Variants in BBX observed in about 807,000 individuals in gnomAD.
BBX encodes BBX high mobility group box domain containing.
BBX carries 30 observed loss-of-function variants against 100.2 expected under a neutral mutation model. That is an observed-to-expected ratio of 0.30 (90% CI 0.22 to 0.41). The LOEUF is 0.41. BBX is among the 10% of genes least tolerant of loss of function. The pLI is 1.00. For missense variants in BBX, 1,023 were observed against 1,129.8 expected (o/e 0.91, Z 1.35); for synonymous variants, 376 against 388.1 (o/e 0.97, Z 0.37).
At chr3:107,602,887 C>T (rs1293696552) in intron 2 of BBX, among the ~76,000 whole-genome samples, 1 of 152,134 alleles carries the variant, frequency 6.6e-6, no homozygotes, top group Non-Finnish European at 1.5e-5. Flanking sequence ...AGATTTAGAC[C>T]ATTATATAAA....
At chr3:107,568,265 A>ATTT (rs36099700) in intron 2 of BBX, among the ~76,000 whole-genome samples, 5 of 131,516 alleles carry the variant, frequency 3.8e-5, no homozygotes, top group South Asian at 2.4e-4. Context: ...ATTTTCTGCT[A>ATTT]TTTTTTTTTT....
intron 13 of BBX, among the ~76,000 whole-genome samples, chr3:107,778,992 A>AATAT (rs2067566867): frequency 3.5e-5 from 1 of 28,518 alleles, no homozygotes; most frequent in Admixed American, 4.2e-4. Flanking sequence ...ATCCTCCAGC[A>AATAT]ACATATATAT....
At chr3:107,785,396 C>T (rs1418603162) in intron 13 of BBX, among the ~76,000 whole-genome samples, 1 of 151,930 alleles carries the variant, frequency 6.6e-6, no homozygotes, top group Non-Finnish European at 1.5e-5. Flanking sequence ...AACTGCAGAT[C>T]AATATCTCTT....
chr3:107,597,165 A>G lies in BBX; in HGVS notation c.-83-48671A>G, dbSNP rs541652999. ...TGTCTTAAGCAAAGCCTATAACTTT[A>G]TAATACTTTATGTTGTCCACTTATG... On this transcript the variant is annotated intron_variant, in intron 2 of 17. Transcript: ENST00000325805. 9.0e-4 allele frequency among the ~76,000 whole-genome samples: 137 copies of G among 152,348 alleles called. 1 individual carries two copies. Among genetic ancestry groups the G allele is most frequent in the Middle Eastern group, 6.8e-3 (2 of 294 alleles).
chr3:107,776,573 A>G (rs1382346846), intron 12 of BBX, among the ~76,000 whole-genome samples: 1 of 152,140 alleles, frequency 6.6e-6, no homozygotes, highest in Non-Finnish European at 1.5e-5. Context: ...ATTTCCTGTC[A>G]GTCTGCTCTG....
intron 12 of BBX, among the ~76,000 whole-genome samples, chr3:107,775,432 T>C (rs573870432): frequency 2.6e-5 from 4 of 152,248 alleles, no homozygotes; most frequent in Admixed American, 2.0e-4. Flanking sequence ...TTAAGAATTA[T>C]TTTATATTTA....
At chr3:107,771,011 C>T (rs535457607) in intron 10 of BBX, among the ~76,000 whole-genome samples, 3 of 152,102 alleles carry the variant, frequency 2.0e-5, no homozygotes, top group Admixed American at 1.3e-4. Flanking sequence ...AGATCAGTTT[C>T]CTACTCATGT....
chr3:107,584,129 TTATTATATATATTATATATAA>T (rs1559840352), intron 2 of BBX, among the ~76,000 whole-genome samples: 12 of 15,102 alleles, frequency 7.9e-4, no homozygotes, highest in Non-Finnish European at 1.6e-3. Context: ...AATATATATA[TTATTATATATATTATATATAA>T]TATATGATAT....
intron 3 of BBX, among the ~76,000 whole-genome samples, chr3:107,678,702 G>C (rs1365160665): frequency 6.6e-6 from 1 of 151,886 alleles, no homozygotes; most frequent in African/African-American, 2.4e-5. Flanking sequence ...CTTCAGCCTC[G>C]GCAAGAAGGG....
chr3:107,561,970 T>C (rs749751104), intron 2 of BBX, among the ~76,000 whole-genome samples: 124 of 152,238 alleles, frequency 8.1e-4, no homozygotes, highest in Admixed American at 2.0e-3. Flanking sequence ...TGTTCTTTAT[T>C]GCATTTGGGG....
At chr3:107,545,541 G>A (rs1258249767) in intron 2 of BBX, among the ~76,000 whole-genome samples, 2 of 152,208 alleles carry the variant, frequency 1.3e-5, no homozygotes, top group East Asian at 1.9e-4. Context: ...GAATGTGCTT[G>A]TATGACTGCT....
At position 107,744,633 on chromosome 3, in the gene BBX, T is replaced by G; in HGVS notation, c.673T>G (p.Ser225Ala). Residue 225 changes from serine to alanine, a missense_variant, in exon 8 of 18, where the codon TCC becomes GCC. This residue lies in a region of BBX where 95 missense variants were observed against 95.1 expected (regional missense o/e 1.00). Transcript: ENST00000325805. ...ATGATATCTTTCTTTGTTTCAGGTA[T>G]CCTCTGGCACATGCAGGCCTGATGT... ...GEHALGTPEVSSGTCRPDVSE... is the reference protein window; with the variant it reads ...GEHALGTPEVASGTCRPDVSE... The G allele has an allele frequency of 6.2e-7, 1 of 1,611,982 alleles. No homozygotes were observed. The highest frequency in any genetic ancestry group is 8.5e-7 in the Non-Finnish European group (1 of 1,178,342).
rs7628451 is a variant in BBX, at chr3:107,650,598, A to G, written c.-10+4689A>G. On this transcript the variant is annotated intron_variant, in intron 3 of 17. Transcript: ENST00000325805. Reference sequence around the variant, plus strand: ...AATGACTACTTTGTTTAATTTTAAAATAGCACATGTATATAAAAATGGTTT... The same window carrying G: ...AATGACTACTTTGTTTAATTTTAAAGTAGCACATGTATATAAAAATGGTTT... Among the ~76,000 whole-genome samples the G allele has an allele frequency of 6.2e-3, 946 of 152,326 alleles. 11 individuals carry two copies. The highest frequency in any genetic ancestry group is 0.022 in the African/African-American group (900 of 41,564).
At chr3:107,755,480 G>T in intron 9 of BBX, 118 bp from the exon 10 acceptor site, 1 of 768,186 alleles carries the variant, frequency 1.3e-6, no homozygotes, top group Non-Finnish European at 2.2e-6. Context: ...TTTGTTACTT[G>T]GTACATGGGA....
chr3:107,584,670 A>ATTTT (rs1260656507), intron 2 of BBX, among the ~76,000 whole-genome samples: 3 of 69,824 alleles, frequency 4.3e-5, no homozygotes, highest in South Asian at 4.4e-4. Flanking sequence ...TTCCGTTGAA[A>ATTTT]TCTTTTTTTT....
intron 2 of BBX, among the ~76,000 whole-genome samples, chr3:107,636,348 G>A (rs1345535847): frequency 6.6e-6 from 1 of 152,168 alleles, no homozygotes. Flanking sequence ...GGAGGTGGGG[G>A]AGACTGTACG....
intron 7 of BBX, among the ~76,000 whole-genome samples, chr3:107,740,476 C>T (rs2063999639): frequency 6.6e-6 from 1 of 152,062 alleles, no homozygotes; most frequent in South Asian, 2.1e-4. Flanking sequence ...TTCTAATTAG[C>T]CTCCTGCCTC....
chr3:107,744,488 C>A, intron 7 of BBX, 142 bp from the exon 8 acceptor site: 1 of 640,672 alleles, frequency 1.6e-6, no homozygotes, highest in African/African-American at 1.8e-5. Flanking sequence ...AAATGTATAT[C>A]CTGAGAAAAA....
At chr3:107,709,926 C>T (rs1382350878) in intron 3 of BBX, among the ~76,000 whole-genome samples, 1 of 152,244 alleles carries the variant, frequency 6.6e-6, no homozygotes, top group Non-Finnish European at 1.5e-5. Flanking sequence ...ACAAATTACT[C>T]ATTTTATTTA....
Sources: gnomAD v4.1 joint callset for allele counts (sites outside exome capture counted in the v4.1 genomes callset) on GRCh38, gnomAD v4.1.1 for gene constraint, gnomAD v4.1.1 regional missense constraint, MANE v1.5 for transcripts, NCBI Gene and HGNC (gene_info 2026-07-23, HGNC 2026-07-21) for gene names.